GNG12: variants seen among roughly 807,000 people sequenced by gnomAD.
GNG12 encodes the protein G protein subunit gamma 12, also known as guanine nucleotide-binding protein G(I)/G(S)/G(O) subunit gamma-12.
For missense variants in GNG12, 69 were observed against 83.8 expected (o/e 0.82, Z 0.69); for synonymous variants, 28 against 29.7 (o/e 0.94, Z 0.19).
intron 1 of GNG12, among the ~76,000 whole-genome samples, chr1:67,814,729 T>C (rs932892974): frequency 2.6e-5 from 4 of 152,236 alleles, no homozygotes; most frequent in Admixed American, 6.5e-5. Flanking sequence ...AACACGTCTC[T>C]TAAAGCTATT....
At chr1:67,721,028 G>A (rs1646353535) in intron 2 of GNG12, among the ~76,000 whole-genome samples, 1 of 152,198 alleles carries the variant, frequency 6.6e-6, no homozygotes, top group Non-Finnish European at 1.5e-5. Flanking sequence ...CTCCAGGGCT[G>A]ACATGAAGCC....
intron 2 of GNG12, among the ~76,000 whole-genome samples, chr1:67,749,971 G>A (rs974756280): frequency 2.0e-5 from 3 of 152,106 alleles, no homozygotes; most frequent in African/African-American, 7.2e-5. Context: ...ACAAAGTTGG[G>A]CTCCAAACCT....
chr1:67,758,703 T>G (rs148196173), intron 2 of GNG12, among the ~76,000 whole-genome samples: 179 of 152,290 alleles, frequency 1.2e-3, no homozygotes, highest in African/African-American at 4.2e-3. Flanking sequence ...GAGAAAAACA[T>G]GAAGCAAATA....
chr1:67,715,982 T>C (rs1368317505), intron 2 of GNG12, among the ~76,000 whole-genome samples: 1 of 152,234 alleles, frequency 6.6e-6, no homozygotes, highest in East Asian at 1.9e-4. Flanking sequence ...TTGCAGGTTA[T>C]GAGGCCAGGG....
chr1:67,740,523 T>C (rs959914977), intron 2 of GNG12, among the ~76,000 whole-genome samples: 5 of 152,366 alleles, frequency 3.3e-5, no homozygotes, highest in Non-Finnish European at 7.3e-5. Context: ...TATTTACTAT[T>C]TGGCCCTTTA....
intron 2 of GNG12, among the ~76,000 whole-genome samples, chr1:67,731,799 T>C (rs1646421619): frequency 1.3e-5 from 2 of 152,232 alleles, no homozygotes; most frequent in Admixed American, 6.5e-5. Context: ...CCTTCGAGGG[T>C]GTAAAATGCA....
chr1:67,832,967 G>C (rs977146677), intron 1 of GNG12, among the ~76,000 whole-genome samples: 1 of 152,158 alleles, frequency 6.6e-6, no homozygotes, highest in Non-Finnish European at 1.5e-5. Flanking sequence ...CTGGCGAGGA[G>C]GCAAGCGAGC....
At chr1:67,819,408 T>A (rs1360575456) in intron 1 of GNG12, among the ~76,000 whole-genome samples, 1 of 152,190 alleles carries the variant, frequency 6.6e-6, no homozygotes, top group Non-Finnish European at 1.5e-5. Context: ...GATCTTCGTT[T>A]ACTGAATTCA....
At chr1:67,742,478 C>G (rs1013530588) in intron 2 of GNG12, among the ~76,000 whole-genome samples, 2 of 152,152 alleles carry the variant, frequency 1.3e-5, no homozygotes, top group African/African-American at 4.8e-5. Flanking sequence ...AGCTCTAACT[C>G]TGTGGCAGGC....
At chr1:67,824,277 A>C (rs182146696) in intron 1 of GNG12, among the ~76,000 whole-genome samples, 139 of 152,234 alleles carry the variant, frequency 9.1e-4, no homozygotes, top group African/African-American at 3.2e-3. Flanking sequence ...TGGGAGGCTG[A>C]GGCTGGCAGA....
chr1:67,803,038 G>A (rs1251065610), intron 1 of GNG12, among the ~76,000 whole-genome samples: 1 of 152,228 alleles, frequency 6.6e-6, no homozygotes, highest in Non-Finnish European at 1.5e-5. Flanking sequence ...CACTGGTGGG[G>A]GTCTAACGTG....
chr1:67,714,139 C>T (rs945052814), intron 2 of GNG12, among the ~76,000 whole-genome samples: 14 of 152,124 alleles, frequency 9.2e-5, no homozygotes, highest in Admixed American at 4.6e-4. Context: ...TGAATGTCAA[C>T]GTTTGAAAAA....
intron 1 of GNG12, among the ~76,000 whole-genome samples, chr1:67,822,472 G>A (rs1646989766): frequency 6.6e-6 from 1 of 152,114 alleles, no homozygotes; most frequent in Non-Finnish European, 1.5e-5. Flanking sequence ...TCCTTATGAA[G>A]CTGACACTGC....
intron 2 of GNG12, among the ~76,000 whole-genome samples, chr1:67,755,426 T>G (rs1171989973): frequency 6.6e-6 from 1 of 152,218 alleles, no homozygotes; most frequent in Non-Finnish European, 1.5e-5. Context: ...GACTGTGGTC[T>G]TTTTAAGGGC....
In GNG12 at chr1:67,705,510, T is replaced by C. The variant is rs1186819602; in HGVS notation, c.160A>G (p.Ile54Val). The C allele has an allele frequency of 1.9e-6, 3 of 1,614,046 alleles. No individual in the cohort carries two copies. Among genetic ancestry groups the C allele is most frequent in the African/African-American group, 2.7e-5 (2 of 74,940 alleles). ...EEHARSDPLL[I>V]GIPTSENPFK... The stretch of plus-strand genomic sequence containing the variant: ...GGGTTTTCTGAAGTTGGTATTCCTA[T>C]CAGCAAAGGGTCACTCCTGGCATGT... Residue 54 changes from isoleucine (I) to valine (V), a missense_variant, in exon 4 of 4, where the codon ATA becomes GTA. Coordinates refer to ENST00000370982, the MANE Select transcript of GNG12 (RefSeq NM_018841.6).
rs146120033 is a variant in GNG12 at position 67,732,928 on chromosome 1, T to A, written c.-26-25216A>T. Among the ~76,000 whole-genome samples the A allele has an allele frequency of 2.9e-3, 443 of 152,302 alleles. 2 individuals are homozygous for A. The highest frequency in any genetic ancestry group is 9.5e-3 in the African/African-American group (395 of 41,552). On this transcript the variant is annotated intron_variant, in intron 2 of 3. Transcript: ENST00000370982. The stretch of plus-strand genomic sequence containing the variant: ...CAGGCCTGAGTGATTAAGCGCTTTA[T>A]CATGGCCAAGGGCAATACATGGGAA...
At chr1:67,728,208 C>T (rs568662143) in intron 2 of GNG12, among the ~76,000 whole-genome samples, 10 of 152,132 alleles carry the variant, frequency 6.6e-5, no homozygotes, top group Non-Finnish European at 1.0e-4. Flanking sequence ...AGCCTCACCC[C>T]GTACCTCCAG....
intron 2 of GNG12, among the ~76,000 whole-genome samples, chr1:67,726,587 T>C (rs980756526): frequency 6.6e-6 from 1 of 152,240 alleles, no homozygotes; most frequent in African/African-American, 2.4e-5. Flanking sequence ...ACAAATGAGA[T>C]GATGTCACAT....
chr1:67,711,714 A>T (rs995830803), intron 2 of GNG12, among the ~76,000 whole-genome samples: 19 of 152,120 alleles, frequency 1.2e-4, no homozygotes, highest in African/African-American at 4.6e-4. Context: ...CTTTAGGCCG[A>T]TAAGGGGAGC....
Sources: gnomAD v4.1 joint callset for allele counts (sites outside exome capture counted in the v4.1 genomes callset) on GRCh38, gnomAD v4.1.1 for gene constraint, MANE v1.5 for transcripts, NCBI Gene and HGNC (gene_info 2026-07-23, HGNC 2026-07-21) for gene names.